Variants in C11orf52 observed in about 807,000 individuals in gnomAD.
The protein encoded by C11orf52 is uncharacterized protein C11orf52.
In C11orf52, 9 loss-of-function variants were observed where a neutral mutation model predicts 11.7. The ratio of observed to expected loss-of-function variants is 0.77; its 90% CI spans 0.46 to 1.34. The LOEUF (loss-of-function observed/expected upper bound fraction) is 1.34, where lower values mean the gene tolerates loss of function less well. Among genes scored for constraint, C11orf52 ranks in the 40% most tolerant of loss-of-function variants. The pLI is 0.00. For synonymous variants in C11orf52, 49 were observed against 57.4 expected (o/e 0.85, Z 0.66); for missense variants, 139 against 154.8 (o/e 0.90, Z 0.54).
At chr11:111,923,219 T>C (rs1592519743) in intron 1 of C11orf52, among the ~76,000 whole-genome samples, 1 of 152,234 alleles carries the variant, frequency 6.6e-6, no homozygotes. Flanking sequence ...GCAGAAGAAG[T>C]AGAAAAACAC....
intron 1 of C11orf52, among the ~76,000 whole-genome samples, chr11:111,922,471 G>A (rs1555166621): frequency 1.3e-5 from 2 of 152,096 alleles, no homozygotes; most frequent in Non-Finnish European, 2.9e-5. Flanking sequence ...TCTGCAACGA[G>A]CAGAAAATAA....
In C11orf52 at chr11:111,926,534, C is replaced by A. The variant is rs1396131722; in HGVS notation, c.*335C>A. On this transcript the variant is annotated 3_prime_UTR_variant, in exon 4 of 4. Transcript: ENST00000278601. ...CAGAAAGAGCAGGTAAAAAGTTAGC[C>A]CATAAGCACGTGGGCTGATCTTGTT... 4.9e-5 allele frequency: 17 copies of A among 347,082 alleles called. No individual in the cohort carries two copies. The highest frequency in any genetic ancestry group is 8.1e-5 in the Non-Finnish European group (15 of 186,238). 21.5% of individuals were successfully genotyped at this position (347,082 alleles called of 1,614,324 possible).
In C11orf52 at chr11:111,926,459, G is replaced by A. The variant is rs1965813223; in HGVS notation, c.*260G>A. On this transcript the variant is annotated 3_prime_UTR_variant, in exon 4 of 4. Transcript: ENST00000278601. Reference sequence around the variant, plus strand: ...CACATGAGGTTAGGTGGAGTGTGCAGGGAGGTAGGTCTTCGACCCCACCAT... The same window carrying A: ...CACATGAGGTTAGGTGGAGTGTGCAAGGAGGTAGGTCTTCGACCCCACCAT... 1 of 548,702 alleles carries A rather than the reference G, an allele frequency of 1.8e-6. No individual in the cohort carries two copies. Among genetic ancestry groups the A allele is most frequent in the South Asian group, 2.2e-5 (1 of 45,446 alleles). 34.0% of individuals were successfully genotyped at this position (548,702 alleles called of 1,614,324 possible).
chr11:111,923,611 AGACACACGG>A (rs1404671178), intron 1 of C11orf52: 1 of 152,256 alleles, frequency 6.6e-6, no homozygotes, highest in Non-Finnish European at 1.5e-5. Flanking sequence ...ACAATCACGT[AGACACACGG>A]GCGCCATTGG....
In C11orf52 at chr11:111,924,379, G is replaced by A. The variant is rs187040992; in HGVS notation, c.70+16G>A. On this transcript the variant is annotated intron_variant, in intron 2 of 3. Transcript: ENST00000278601. ...AAGAAAACAGGTAACTTTGGGGCTG[G>A]GGGAGGGAATCTGGGGGAGGCAAAT... is the stretch of plus-strand genomic sequence containing the variant. 7 of 1,610,382 alleles carry A rather than the reference G, an allele frequency of 4.3e-6. No homozygotes were observed. The African/African-American group carries it at 8.0e-5, about 18-fold the overall frequency.
In C11orf52 at chr11:111,925,833, G is replaced by A. The variant is rs1555166902; in HGVS notation, c.132+119G>A. On this transcript the variant is annotated intron_variant, in intron 3 of 3. Transcript: ENST00000278601. ...CCTGTAGAATTTGCTGGCTCTGTCT[G>A]TCCTCCTCTGTCTGTCCTTTGCTCA... 30 of 1,562,382 alleles carry A rather than the reference G, an allele frequency of 1.9e-5. 1 individual carries two copies. The highest frequency in any genetic ancestry group is 2.5e-5 in the Non-Finnish European group (29 of 1,145,004).
chr11:111,925,986 T>G lies in C11orf52; in HGVS notation c.159T>G (p.Tyr53Ter). 1 of 1,614,246 alleles carries G rather than the reference T, an allele frequency of 6.2e-7. No individual in the cohort carries two copies. The highest frequency in any genetic ancestry group is 2.2e-5 in the East Asian group (1 of 44,890). ...PKGHETTGHT[Y>*]ERVLQQQGSQ... ...GCCATGAAACAACAGGACATACGTA[T>G]GAACGGGTGTTACAGCAGCAAGGGT... The change falls in exon 4 of 4, where the codon TAT becomes TAG. Residue 53 changes from tyrosine to a stop codon, truncating the protein, a stop_gained. Transcript: ENST00000278601. LOFTEE classifies it low-confidence loss of function (END_TRUNC).
chr11:111,920,095 TGA>T (rs1309892455), intron 1 of C11orf52, among the ~76,000 whole-genome samples: 15 of 151,988 alleles, frequency 9.9e-5, no homozygotes, highest in Non-Finnish European at 2.1e-4. Flanking sequence ...CTCGGGAGGC[TGA>T]GTCAGGAGAA....
Position 111,919,002 on chromosome 11 carries a change from C to T in C11orf52, c.30C>T (p.Ser10=). The T allele has an allele frequency of 1.9e-6, 3 of 1,614,182 alleles. No homozygotes were observed. Among genetic ancestry groups the T allele is most frequent in the Non-Finnish European group, 2.5e-6 (3 of 1,180,030 alleles). Residue 10 remains serine (S), a splice_region_variant and synonymous_variant, in exon 1 of 4, where the codon AGC becomes AGT. Transcript: ENST00000278601. MGNRVCCGG[S]WSCPSTFQKK... ...GAAACCGGGTCTGCTGCGGAGGAAGCTGGTGAGTAGGCTGGAAGGGCAAAG... is the reference window on the plus strand; with the variant it reads ...GAAACCGGGTCTGCTGCGGAGGAAGTTGGTGAGTAGGCTGGAAGGGCAAAG...
In C11orf52 at chr11:111,926,419, CTAAACT is replaced by C. The variant is rs1162326222; in HGVS notation, c.*223_*228del. ...AGTTGGTTTAGCTATGGGTGGATAG[CTAAACT>C]TAGCTATCCACATGAGGTTAGGTGG... On this transcript the variant is annotated 3_prime_UTR_variant, in exon 4 of 4. Coordinates refer to ENST00000278601, the MANE Select transcript of C11orf52 (RefSeq NM_080659.3). The C allele has an allele frequency of 1.6e-6, 1 of 634,648 alleles. No individual in the cohort carries two copies. The highest frequency in any genetic ancestry group is 2.8e-5 in the East Asian group (1 of 35,314). The allele number at this position is 634,648 out of a possible 1,614,324, so 39.3% of individuals were successfully genotyped here.
intron 1 of C11orf52, among the ~76,000 whole-genome samples, chr11:111,921,688 A>G (rs1245773094): frequency 6.6e-6 from 1 of 152,148 alleles, no homozygotes; most frequent in Admixed American, 6.5e-5. Context: ...TTTTTTCATT[A>G]CTGATTAGTT....
In C11orf52 at chr11:111,926,168, G is replaced by C. The variant is rs144473843; in HGVS notation, c.341G>C (p.Arg114Pro). Residue 114 changes from arginine (R) to proline (P), a missense_variant, in exon 4 of 4, where the codon CGC becomes CCC. Transcript: ENST00000278601. ...CTTCGCTTCCCCCAGGCCACACCTCGCTATGACAGCAAGAACGGGACCCTG... is the reference window on the plus strand; with the variant it reads ...CTTCGCTTCCCCCAGGCCACACCTCCCTATGACAGCAAGAACGGGACCCTG... ...ATLRFPQATP[R>P]YDSKNGTLV 47 of 1,614,204 alleles carry C rather than the reference G, an allele frequency of 2.9e-5. No individual in the cohort carries two copies. The African/African-American group carries it at 5.7e-4, about 20-fold the overall frequency.
intron 1 of C11orf52, among the ~76,000 whole-genome samples, chr11:111,919,854 T>C (rs1170962917): frequency 1.3e-5 from 2 of 152,200 alleles, no homozygotes; most frequent in African/African-American, 4.8e-5. Flanking sequence ...CACTGCATAA[T>C]ATTGCCTCTT....
At chr11:111,925,062 T>C (rs897798997) in intron 2 of C11orf52, among the ~76,000 whole-genome samples, 2 of 152,160 alleles carry the variant, frequency 1.3e-5, no homozygotes, top group African/African-American at 2.4e-5. Flanking sequence ...AGATGGAGGT[T>C]GCAGTGAGTC....
intron 3 of C11orf52, 98 bp from the exon 4 acceptor site, chr11:111,925,862 G>A: frequency 1.3e-6 from 2 of 1,584,236 alleles, no homozygotes; most frequent in Non-Finnish European, 8.6e-7. Flanking sequence ...TTGCTCAAAG[G>A]AGCAAAGCGA....
At chr11:111,922,321 T>C (rs1266598003) in intron 1 of C11orf52, among the ~76,000 whole-genome samples, 1 of 152,266 alleles carries the variant, frequency 6.6e-6, no homozygotes, top group Non-Finnish European at 1.5e-5. Flanking sequence ...AACTTTGTTC[T>C]CTATTTTTTG....
Position 111,926,180 on chromosome 11 carries a change from A to G in C11orf52, c.353A>G (p.Lys118Arg), listed in dbSNP as rs72991415. The change falls in exon 4 of 4, where the codon AAG becomes AGG. Residue 118 changes from lysine to arginine, a missense_variant. Coordinates refer to ENST00000278601, the MANE Select transcript of C11orf52 (RefSeq NM_080659.3). ...CAGGCCACACCTCGCTATGACAGCA[A>G]GAACGGGACCCTGGTGTGAGCGCTT... The part of the protein sequence containing the change: ...FPQATPRYDS[K>R]NGTLV 2.2e-4 allele frequency: 360 copies of G among 1,614,196 alleles called. No individual in the cohort carries two copies. The highest frequency in any genetic ancestry group is 2.9e-4 in the Non-Finnish European group (341 of 1,180,030).
Position 111,926,397 on chromosome 11 carries a change from T to C in C11orf52, c.*198T>C. Reference sequence around the variant, plus strand: ...CCACTGTTAGGTTGGAGTTAATAGTTGGTTTAGCTATGGGTGGATAGCTAA... The same window carrying C: ...CCACTGTTAGGTTGGAGTTAATAGTCGGTTTAGCTATGGGTGGATAGCTAA... On this transcript the variant is annotated 3_prime_UTR_variant, in exon 4 of 4. Coordinates refer to ENST00000278601, the MANE Select transcript of C11orf52 (RefSeq NM_080659.3). 1.3e-6 allele frequency: 1 copy of C among 773,542 alleles called. No individual in the cohort carries two copies. The highest frequency in any genetic ancestry group is 1.9e-5 in the South Asian group (1 of 53,616). 47.9% of individuals were successfully genotyped at this position (773,542 alleles called of 1,614,324 possible).
chr11:111,919,021 G>A lies in C11orf52; in HGVS notation c.32+17G>A, dbSNP rs1362916962. 2 of 1,614,010 alleles carry A rather than the reference G, an allele frequency of 1.2e-6. No individual in the cohort carries two copies. The highest frequency in any genetic ancestry group is 2.2e-5 in the East Asian group (1 of 44,898). ...AGGAAGCTGGTGAGTAGGCTGGAAG[G>A]GCAAAGGGGAACATCTATCTCTGTT... On this transcript the variant is annotated intron_variant, in intron 1 of 3. Transcript: ENST00000278601.
Sources: gnomAD v4.1 joint callset for allele counts (sites outside exome capture counted in the v4.1 genomes callset) on GRCh38, gnomAD v4.1.1 for gene constraint, MANE v1.5 for transcripts, NCBI Gene and HGNC (gene_info 2026-07-23, HGNC 2026-07-21) for gene names.